The following ATXN1 variants were observed in gnomAD, a reference collection of about 807,000 sequenced individuals.
The protein encoded by ATXN1 is ataxin-1.
Under a neutral mutation model 56.4 loss-of-function variants are expected in ATXN1, and 8 were observed. The observed-to-expected ratio is 0.14, with a 90% CI of 0.08 to 0.26. The LOEUF is 0.26. Among genes scored for constraint, ATXN1 ranks in the 10% least tolerant of loss-of-function variants. The pLI is 1.00. For missense variants in ATXN1, 987 were observed against 1,106.5 expected (o/e 0.89, Z 1.53); for synonymous variants, 514 against 494.6 (o/e 1.04, Z -0.52).
At chr6:16,735,903 T>C (rs940052776) in intron 2 of ATXN1, among the ~76,000 whole-genome samples, 1 of 152,196 alleles carries the variant, frequency 6.6e-6, no homozygotes, top group East Asian at 1.9e-4. Context: ...TTTGAAACCA[T>C]GGGCCACAAC....
intron 4 of ATXN1, among the ~76,000 whole-genome samples, chr6:16,532,016 T>A (rs1761514426): frequency 6.6e-6 from 1 of 152,186 alleles, no homozygotes; most frequent in African/African-American, 2.4e-5. Flanking sequence ...GCCAGACATC[T>A]CCATTGCAAC....
intron 6 of ATXN1, among the ~76,000 whole-genome samples, chr6:16,345,988 AC>A (rs1164210702): frequency 6.6e-6 from 1 of 152,152 alleles, no homozygotes; most frequent in Non-Finnish European, 1.5e-5. Context: ...TGTAGGCAAC[AC>A]CCTCTGAATG....
At chr6:16,584,536 T>C (rs1762588845) in intron 4 of ATXN1, among the ~76,000 whole-genome samples, 1 of 152,004 alleles carries the variant, frequency 6.6e-6, no homozygotes, top group African/African-American at 2.4e-5. Flanking sequence ...GATTTAATAT[T>C]ATTTCTGAAA....
intron 6 of ATXN1, among the ~76,000 whole-genome samples, chr6:16,424,230 A>C (rs1759095516): frequency 6.6e-6 from 1 of 152,192 alleles, no homozygotes; most frequent in South Asian, 2.1e-4. Flanking sequence ...TTGCTCCTAC[A>C]GGCAGAATCA....
intron 4 of ATXN1, among the ~76,000 whole-genome samples, chr6:16,527,800 A>T (rs1761423264): frequency 6.6e-6 from 1 of 152,206 alleles, no homozygotes; most frequent in Non-Finnish European, 1.5e-5. Flanking sequence ...TTGCAATATC[A>T]TGGAATATGA....
At chr6:16,427,005 A>G (rs1759171041) in intron 6 of ATXN1, among the ~76,000 whole-genome samples, 1 of 152,082 alleles carries the variant, frequency 6.6e-6, no homozygotes, top group African/African-American at 2.4e-5. Context: ...CCTCACCAAT[A>G]AAGTCTATTC....
At chr6:16,735,229 T>C (rs1212812536) in intron 2 of ATXN1, among the ~76,000 whole-genome samples, 4 of 152,266 alleles carry the variant, frequency 2.6e-5, no homozygotes, top group Middle Eastern at 3.4e-3. Flanking sequence ...CTATGTAGGT[T>C]TACTGTGAGG....
At chr6:16,579,466 G>A (rs1302199386) in intron 4 of ATXN1, among the ~76,000 whole-genome samples, 1 of 112,956 alleles carries the variant, frequency 8.9e-6, no homozygotes, top group East Asian at 3.2e-4. Flanking sequence ...GGGTCACTGA[G>A]TACCTTGGTC....
chr6:16,613,064 G>A (rs1222693492), intron 3 of ATXN1, among the ~76,000 whole-genome samples: 2 of 150,542 alleles, frequency 1.3e-5, no homozygotes, highest in Non-Finnish European at 3.0e-5. Flanking sequence ...AGGAGATCGA[G>A]ACCATCCTGG....
At chr6:16,520,123 G>T (rs546912468) in intron 5 of ATXN1, among the ~76,000 whole-genome samples, 1 of 152,254 alleles carries the variant, frequency 6.6e-6, no homozygotes, top group Admixed American at 6.5e-5. Flanking sequence ...CATTTCCCTG[G>T]ATTTCCCTTA....
Position 16,327,258 on chromosome 6 carries a change from C to T in ATXN1, c.1053G>A (p.Ser351=), listed in dbSNP as rs752445765. The change falls in exon 7 of 8, where the codon TCG becomes TCA. Residue 351 remains serine, a synonymous_variant. Transcript: ENST00000436367. ...DLGLGKAGGK[S]VPHPYESRHV... Reference sequence around the variant, plus strand: ...GCCTGGACTCGTACGGGTGAGGAACCGACTTGCCGCCTGCCTTGCCCAGGC... The same window carrying T: ...GCCTGGACTCGTACGGGTGAGGAACTGACTTGCCGCCTGCCTTGCCCAGGC... 4.0e-5 allele frequency: 65 copies of T among 1,613,150 alleles called. No individual in the cohort carries two copies. The African/African-American group carries it at 4.4e-4, about 11-fold the overall frequency.
At chr6:16,660,097 A>C (rs1298939210) in intron 2 of ATXN1, among the ~76,000 whole-genome samples, 1 of 152,230 alleles carries the variant, frequency 6.6e-6, no homozygotes, top group East Asian at 1.9e-4. Context: ...ATCAAAAGAA[A>C]ACAACTGAAA....
intron 4 of ATXN1, among the ~76,000 whole-genome samples, chr6:16,580,937 A>T (rs192788452): frequency 1.3e-5 from 2 of 152,128 alleles, no homozygotes; most frequent in East Asian, 1.9e-4. Context: ...CTGAAAGATA[A>T]ATTTTGGGGA....
chr6:16,365,547 G>C (rs1162321906), intron 6 of ATXN1, among the ~76,000 whole-genome samples: 1 of 152,170 alleles, frequency 6.6e-6, no homozygotes, highest in African/African-American at 2.4e-5. Flanking sequence ...AATGACATTT[G>C]GGGGCTTAAC....
intron 5 of ATXN1, among the ~76,000 whole-genome samples, chr6:16,487,695 C>T (rs1760577737): frequency 6.6e-6 from 1 of 152,080 alleles, no homozygotes; most frequent in Non-Finnish European, 1.5e-5. Context: ...TCAAGAGGGA[C>T]AGAATTAAAT....
At chr6:16,725,175 T>A (rs1016695326) in intron 2 of ATXN1, among the ~76,000 whole-genome samples, 7 of 152,214 alleles carry the variant, frequency 4.6e-5, no homozygotes, top group African/African-American at 1.4e-4. Flanking sequence ...TCCTATGGCT[T>A]TAAATGGTGT....
chr6:16,572,109 G>A (rs145247488), intron 4 of ATXN1, among the ~76,000 whole-genome samples: 163 of 152,280 alleles, frequency 1.1e-3, no homozygotes, highest in African/African-American at 3.5e-3. Flanking sequence ...TCTACATGTT[G>A]TAAAGGTGAT....
chr6:16,405,907 A>G (rs1158134526), intron 6 of ATXN1, among the ~76,000 whole-genome samples: 1 of 152,112 alleles, frequency 6.6e-6, no homozygotes, highest in African/African-American at 2.4e-5. Context: ...CTGGGAAGGA[A>G]GGCCGCACTG....
chr6:16,356,143 A>G (rs1410161570), intron 6 of ATXN1, among the ~76,000 whole-genome samples: 1 of 152,222 alleles, frequency 6.6e-6, no homozygotes, highest in South Asian at 2.1e-4. Context: ...TGAATTTCCT[A>G]TCTCTGGACA....
Sources: gnomAD v4.1 joint callset for allele counts (sites outside exome capture counted in the v4.1 genomes callset) on GRCh38, gnomAD v4.1.1 for gene constraint, MANE v1.5 for transcripts, NCBI Gene and HGNC (gene_info 2026-07-23, HGNC 2026-07-21) for gene names.